The following EVI5 variants were observed in gnomAD, a reference collection of about 807,000 sequenced individuals.
EVI5 encodes ecotropic viral integration site 5 protein homolog.
A neutral mutation model predicts 112.0 loss-of-function variants in EVI5; 73 were observed. The observed-to-expected ratio is 0.65, with a 90% CI of 0.54 to 0.79. The LOEUF (loss-of-function observed/expected upper bound fraction) is 0.79. Ranked by LOEUF, EVI5 falls within the 30% of genes least tolerant of loss-of-function variation. EVI5 has a pLI of 0.00. For missense variants in EVI5, 900 were observed against 968.8 expected (o/e 0.93, Z 0.94); for synonymous variants, 305 against 319.9 (o/e 0.95, Z 0.50).
intron 19 of EVI5, among the ~76,000 whole-genome samples, chr1:92,540,380 A>G (rs566135964): frequency 6.6e-6 from 1 of 152,162 alleles, no homozygotes; most frequent in Non-Finnish European, 1.5e-5. Flanking sequence ...CCATCCTAGT[A>G]AGTGTGAAGT....
intron 13 of EVI5, among the ~76,000 whole-genome samples, chr1:92,644,052 AG>A (rs1329571828): frequency 6.6e-6 from 1 of 152,240 alleles, no homozygotes; most frequent in African/African-American, 2.4e-5. Flanking sequence ...ATTAGGTAAA[AG>A]GTGGATGGAG....
At chr1:92,773,143 T>C (rs1683659157) in intron 1 of EVI5, among the ~76,000 whole-genome samples, 1 of 150,462 alleles carries the variant, frequency 6.6e-6, no homozygotes, top group Admixed American at 6.6e-5. Context: ...GAGGCAGAGG[T>C]TGCAGTGAGC....
chr1:92,674,902 T>C (rs187106662), intron 10 of EVI5, among the ~76,000 whole-genome samples: 1 of 152,362 alleles, frequency 6.6e-6, no homozygotes, highest in African/African-American at 2.4e-5. Flanking sequence ...ATTTACCTGA[T>C]ATGTTCCACT....
chr1:92,604,180 T>C (rs142832985), intron 18 of EVI5, among the ~76,000 whole-genome samples: 3 of 149,882 alleles, frequency 2.0e-5, no homozygotes, highest in East Asian at 1.9e-4. Flanking sequence ...GGAGACCTCA[T>C]TGCTACTAAA....
intron 18 of EVI5, among the ~76,000 whole-genome samples, chr1:92,574,479 T>C (rs12046739): frequency 0.92 from 140,224 of 152,232 alleles, 64,674 homozygotes; most frequent in East Asian, 0.97. Flanking sequence ...CAGTTCTAAG[T>C]AGCATGGTTT....
intron 1 of EVI5, among the ~76,000 whole-genome samples, chr1:92,781,101 C>A (rs184938225): frequency 1.3e-5 from 2 of 152,014 alleles, no homozygotes; most frequent in African/African-American, 4.8e-5. Context: ...CCGCTCGCCT[C>A]GGCCTCCCAA....
intron 1 of EVI5, among the ~76,000 whole-genome samples, chr1:92,777,068 C>T (rs570114666): frequency 1.4e-4 from 22 of 152,216 alleles, no homozygotes; most frequent in African/African-American, 5.3e-4. Flanking sequence ...TCCCAAAGTG[C>T]TGGGATTACA....
At chr1:92,763,464 A>G (rs1682173932) in intron 1 of EVI5, among the ~76,000 whole-genome samples, 1 of 152,030 alleles carries the variant, frequency 6.6e-6, no homozygotes, top group Non-Finnish European at 1.5e-5. Flanking sequence ...TCGGAGGCCA[A>G]ATTAGCTGGG....
In EVI5 at chr1:92,573,544, C is replaced by G. The variant is rs890454659; in HGVS notation, c.2071-9807G>C. On this transcript the variant is annotated intron_variant, in intron 18 of 19. Coordinates refer to ENST00000684568, the MANE Select transcript of EVI5 (RefSeq NM_001350197.2). The stretch of plus-strand genomic sequence containing the variant: ...CCACCATGGTAAATGTGGCCATGAC[C>G]AAGGCTCACACACTTATTTACAAAT... Among the ~76,000 whole-genome samples the G allele has an allele frequency of 2.6e-5, 4 of 151,948 alleles. No individual in the cohort carries two copies. In the South Asian group the frequency reaches 8.3e-4, roughly 32 times the overall value.
intron 19 of EVI5, among the ~76,000 whole-genome samples, chr1:92,527,757 G>A (rs1220016909): frequency 6.6e-6 from 1 of 152,142 alleles, no homozygotes; most frequent in East Asian, 1.9e-4. Flanking sequence ...TCTGTATCCT[G>A]TTACTCAGCA....
At chr1:92,590,471 C>G (rs934087728) in intron 18 of EVI5, among the ~76,000 whole-genome samples, 17 of 152,276 alleles carry the variant, frequency 1.1e-4, no homozygotes, top group African/African-American at 3.6e-4. Flanking sequence ...GATGAACGCA[C>G]AAGCCTCAGT....
intron 1 of EVI5, among the ~76,000 whole-genome samples, chr1:92,763,900 T>TA (rs1407234152): frequency 1.3e-5 from 2 of 152,004 alleles, no homozygotes; most frequent in Admixed American, 6.6e-5. Flanking sequence ...GAGAGAAAAT[T>TA]AATAGAGAAA....
At chr1:92,715,470 C>G (rs1332390641) in intron 2 of EVI5, among the ~76,000 whole-genome samples, 1 of 152,182 alleles carries the variant, frequency 6.6e-6, no homozygotes, top group Non-Finnish European at 1.5e-5. Context: ...CATCTTTCAA[C>G]AACTCTAGTA....
intron 13 of EVI5, among the ~76,000 whole-genome samples, chr1:92,649,996 T>G (rs1373780520): frequency 6.6e-6 from 1 of 152,226 alleles, no homozygotes; most frequent in African/African-American, 2.4e-5. Context: ...TGGCCATAGA[T>G]GTATGGGTTT....
chr1:92,648,935 AG>A (rs1661548741), intron 13 of EVI5, among the ~76,000 whole-genome samples: 1 of 152,200 alleles, frequency 6.6e-6, no homozygotes, highest in South Asian at 2.1e-4. Flanking sequence ...TAACTTTTTG[AG>A]GAACTGCCAA....
intron 9 of EVI5, among the ~76,000 whole-genome samples, chr1:92,680,376 T>C (rs988833398): frequency 9.9e-5 from 15 of 152,174 alleles, no homozygotes; most frequent in African/African-American, 3.6e-4. Context: ...GGGTTCCCAC[T>C]GGACAAATCA....
intron 18 of EVI5, among the ~76,000 whole-genome samples, chr1:92,589,201 T>C (rs183965947): frequency 1.3e-5 from 2 of 152,202 alleles, no homozygotes; most frequent in Non-Finnish European, 2.9e-5. Context: ...ATGCAGAAGA[T>C]GAAAGATTCC....
At chr1:92,528,618 G>C (rs1239315963) in intron 19 of EVI5, among the ~76,000 whole-genome samples, 1 of 152,186 alleles carries the variant, frequency 6.6e-6, no homozygotes, top group African/African-American at 2.4e-5. Flanking sequence ...CTATACAGTA[G>C]CAAAAATGAA....
intron 18 of EVI5, among the ~76,000 whole-genome samples, chr1:92,578,993 G>A (rs1472030936): frequency 6.6e-6 from 1 of 152,160 alleles, no homozygotes; most frequent in Non-Finnish European, 1.5e-5. Flanking sequence ...TATTACAGGT[G>A]TGAGTCATCA....
Sources: allele counts gnomAD v4.1 joint callset (sites outside exome capture counted in the v4.1 genomes callset), GRCh38; gene constraint gnomAD v4.1.1; transcripts MANE v1.5; gene names NCBI Gene and HGNC (gene_info 2026-07-23, HGNC 2026-07-21).